GJB7: variants seen among roughly 807,000 people sequenced by gnomAD.
GJB7 encodes the protein gap junction beta-7 protein.
For synonymous variants in GJB7, 87 were observed against 95.2 expected, an observed-to-expected ratio of 0.91 and a Z score of 0.50; for missense variants, 253 against 256.8, an observed-to-expected ratio of 0.99 and a Z score of 0.10.
At chr6:87,286,430 C>A (rs2127896367) in intron 2 of GJB7, among the ~76,000 whole-genome samples, 1 of 152,314 alleles carries the variant, frequency 6.6e-6, no homozygotes, top group African/African-American at 2.4e-5. Flanking sequence ...ATCTCCAGGT[C>A]ACTGCTGAAA....
chr6:87,325,309 TAGGAGTG>T (rs996878678), intron 1 of GJB7, among the ~76,000 whole-genome samples: 1 of 144,910 alleles, frequency 6.9e-6, no homozygotes, highest in Non-Finnish European at 1.5e-5. Context: ...CTATGTTGAA[TAGGAGTG>T]GTGAGAGAGG....
intron 2 of GJB7, among the ~76,000 whole-genome samples, chr6:87,314,824 A>G (rs1776557979): frequency 6.6e-6 from 1 of 152,228 alleles, no homozygotes; most frequent in South Asian, 2.1e-4. Context: ...CGCATTTAGG[A>G]ATGGAGCTTG....
At position 87,291,668 on chromosome 6, in the gene GJB7, G is replaced by A. The variant is rs137928014; in HGVS notation, c.-27-6729C>T. On this transcript the variant is annotated intron_variant, in intron 2 of 2. Coordinates refer to ENST00000525899, the MANE Select transcript of GJB7 (RefSeq NM_198568.3). ...CATTCCACATAGGCAACCTTACTTC[G>A]TGGCAGCTTATCCAGAAAGAGCACA... Among the ~76,000 whole-genome samples, 282 of 152,236 alleles carry A rather than the reference G, an allele frequency of 1.9e-3. 3 individuals carry two copies. The highest frequency in any genetic ancestry group is 0.014 in the Middle Eastern group (4 of 294).
Position 87,284,202 on chromosome 6 carries a change from C to A in GJB7, c.*39G>T. On this transcript the variant is annotated 3_prime_UTR_variant, in exon 3 of 3. Transcript: ENST00000525899. ...AAGATTCTGGAGTAGGGGAGGGGTC[C>A]CTCTCCTACCACATTCAACATATCT... The A allele has an allele frequency of 1.3e-6, 2 of 1,522,148 alleles. No homozygotes were observed. Among genetic ancestry groups the A allele is most frequent in the South Asian group, 1.2e-5 (1 of 83,616 alleles). The allele number at this position is 1,522,148 out of a possible 1,614,324, so 94.3% of individuals were successfully genotyped here. A position where few individuals can be genotyped will look rare whatever the true frequency, so the allele number is the denominator to read the frequency against.
intron 2 of GJB7, among the ~76,000 whole-genome samples, chr6:87,314,025 C>T (rs892795834): frequency 3.3e-5 from 5 of 152,190 alleles, no homozygotes; most frequent in African/African-American, 1.2e-4. Context: ...CTTGTGAGTT[C>T]ATCTGTTAAG....
At chr6:87,319,574 G>T (rs1244521221) in intron 2 of GJB7, among the ~76,000 whole-genome samples, 1 of 152,200 alleles carries the variant, frequency 6.6e-6, no homozygotes, top group Non-Finnish European at 1.5e-5. Context: ...TTTAGCTACT[G>T]CAGTAACAGC....
intron 2 of GJB7, among the ~76,000 whole-genome samples, chr6:87,288,822 G>A (rs575831037): frequency 1.2e-4 from 19 of 152,162 alleles, no homozygotes; most frequent in South Asian, 6.2e-4. Flanking sequence ...TTTCATCTGC[G>A]CTTCCACCAC....
chr6:87,327,291 T>G (rs1196637670), intron 1 of GJB7, among the ~76,000 whole-genome samples: 7 of 150,596 alleles, frequency 4.6e-5, no homozygotes, highest in Admixed American at 3.9e-4. Flanking sequence ...TTGTTATGTG[T>G]GAATTTGATC....
chr6:87,326,751 G>C, intron 1 of GJB7, among the ~76,000 whole-genome samples: 1 of 121,050 alleles, frequency 8.3e-6, no homozygotes, highest in Non-Finnish European at 1.7e-5. Flanking sequence ...CTGTTGATTT[G>C]GGGTGGAGAG....
chr6:87,317,036 A>G (rs1169021619), intron 2 of GJB7, among the ~76,000 whole-genome samples: 1 of 152,104 alleles, frequency 6.6e-6, no homozygotes, highest in East Asian at 1.9e-4. Flanking sequence ...GTGCTTCCAT[A>G]GAATCTTGTG....
In GJB7 at chr6:87,293,770, A is replaced by C. The variant is rs554905583; in HGVS notation, c.-27-8831T>G. ...ATTCAGAGGATCCCAGCCTTCTAAA[A>C]ATGTCAGCACTAACCCAAACAAAGG... On this transcript the variant is annotated intron_variant, in intron 2 of 2. Coordinates refer to ENST00000525899, the MANE Select transcript of GJB7 (RefSeq NM_198568.3). Among the ~76,000 whole-genome samples, 11 of 152,334 alleles carry C rather than the reference A, an allele frequency of 7.2e-5. No individual in the cohort carries two copies. In the South Asian group the frequency reaches 1.7e-3, roughly 23 times the overall value.
chr6:87,305,184 G>A (rs938108003), intron 2 of GJB7, among the ~76,000 whole-genome samples: 4 of 152,120 alleles, frequency 2.6e-5, no homozygotes, highest in African/African-American at 4.8e-5. Context: ...AGGGCAATCA[G>A]GCAGGAGAAA....
At chr6:87,303,224 A>G (rs1250807354) in intron 2 of GJB7, among the ~76,000 whole-genome samples, 1 of 152,240 alleles carries the variant, frequency 6.6e-6, no homozygotes, top group African/African-American at 2.4e-5. Flanking sequence ...TAAAAGACAC[A>G]GACTGGCAAA....
At chr6:87,319,922 A>T (rs1776631800) in intron 2 of GJB7, among the ~76,000 whole-genome samples, 1 of 152,210 alleles carries the variant, frequency 6.6e-6, no homozygotes, top group Admixed American at 6.5e-5. Context: ...AGGAAGACAA[A>T]CTTTGCATGT....
At chr6:87,322,606 C>CGAGGA (rs1277075804) in intron 2 of GJB7, 1 of 152,332 alleles carries the variant, frequency 6.6e-6, no homozygotes, top group African/African-American at 2.4e-5. Context: ...GCGTCTCGGG[C>CGAGGA]GAGGAGAGGA....
At chr6:87,299,642 T>C (rs1285296848) in intron 2 of GJB7, 1 of 188,882 alleles carries the variant, frequency 5.3e-6, no homozygotes, top group South Asian at 1.1e-4. Context: ...CTTCAGATCA[T>C]AGCAGTCAAA....
intron 2 of GJB7, among the ~76,000 whole-genome samples, chr6:87,302,155 G>A (rs1363807765): frequency 6.6e-6 from 1 of 152,222 alleles, no homozygotes; most frequent in Non-Finnish European, 1.5e-5. Flanking sequence ...CTCCTCACCA[G>A]CAATGCAACA....
rs1776021801 is a variant in GJB7, at chr6:87,284,390, CAGTG to C, written c.519_522del (p.Thr174ArgfsTer19). ...AAGAAGAGGATGAAGATCGTCTTCT[CAGTG>C]GGTTTGGAGATGAAGCAGTCCACAG... On this transcript the variant is annotated frameshift_variant, in exon 3 of 3. Coordinates refer to ENST00000525899, the MANE Select transcript of GJB7 (RefSeq NM_198568.3). LOFTEE classifies it low-confidence loss of function (END_TRUNC). 1 of 1,614,140 alleles carries C rather than the reference CAGTG, an allele frequency of 6.2e-7. No individual in the cohort carries two copies. Among genetic ancestry groups the C allele is most frequent in the East Asian group, 2.2e-5 (1 of 44,884 alleles).
At chr6:87,328,065 C>T (rs1239335162) in intron 1 of GJB7, among the ~76,000 whole-genome samples, 1 of 152,196 alleles carries the variant, frequency 6.6e-6, no homozygotes, top group East Asian at 1.9e-4. Context: ...GAGGCTTCTG[C>T]ATTCTTCACG....
Sources: allele counts gnomAD v4.1 joint callset (sites outside exome capture counted in the v4.1 genomes callset), GRCh38; gene constraint gnomAD v4.1.1; transcripts MANE v1.5; gene names NCBI Gene and HGNC (gene_info 2026-07-23, HGNC 2026-07-21).